Variants in CDC25A observed in about 807,000 individuals in gnomAD.
The protein encoded by CDC25A is M-phase inducer phosphatase 1.
CDC25A carries 17 observed loss-of-function variants against 64.6 expected under a neutral mutation model. The observed-to-expected ratio is 0.26, with a 90% CI of 0.18 to 0.39. CDC25A has a LOEUF of 0.39. Among genes scored for constraint, CDC25A ranks in the 10% least tolerant of loss-of-function variants. CDC25A has a pLI of 1.00. For missense variants in CDC25A, 473 were observed against 654.8 expected, an observed-to-expected ratio of 0.72 and a Z score of 3.03; for synonymous variants, 229 against 238.6, an observed-to-expected ratio of 0.96 and a Z score of 0.37.
At chr3:48,165,271 TCTC>T (rs1314023959) in intron 12 of CDC25A, among the ~76,000 whole-genome samples, 3 of 151,992 alleles carry the variant, frequency 2.0e-5, no homozygotes, top group South Asian at 2.1e-4. Flanking sequence ...GAGATGGTCT[TCTC>T]CTCATCAGGA....
At chr3:48,187,564 TCCA>T (rs2032889177) in intron 1 of CDC25A, among the ~76,000 whole-genome samples, 1 of 152,240 alleles carries the variant, frequency 6.6e-6, no homozygotes. Context: ...CCCAAGGATC[TCCA>T]CCTCTTCCCC....
In CDC25A at chr3:48,157,220, T is replaced by C. The variant is rs2031541681; in HGVS notation, c.*1725A>G. 6.6e-6 allele frequency: 1 copy of C among 152,154 alleles called. No homozygotes were observed. The highest frequency in any genetic ancestry group is 6.5e-5 in the Admixed American group (1 of 15,272). The allele number at this position is 152,154 out of a possible 1,614,324, so 9.4% of individuals were successfully genotyped here. On this transcript the variant is annotated 3_prime_UTR_variant, in exon 15 of 15. Coordinates refer to ENST00000302506, the MANE Select transcript of CDC25A (RefSeq NM_001789.3). ...TATTTTCAGAGCTTCCAACAGTTGG[T>C]TAGTAATGCTAGCTAAGCTGGTATA...
chr3:48,162,718 G>A (rs1011643066), intron 13 of CDC25A, among the ~76,000 whole-genome samples: 1 of 151,974 alleles, frequency 6.6e-6, no homozygotes, highest in African/African-American at 2.4e-5. Flanking sequence ...CGTGATGGTG[G>A]GCACCTGTAG....
chr3:48,177,224 A>T (rs1208019330), intron 8 of CDC25A, 147 bp downstream of exon 8: 2 of 643,532 alleles, frequency 3.1e-6, no homozygotes, highest in Non-Finnish European at 5.7e-6. Context: ...TAAAGGTCAT[A>T]ATTTGTAGGT....
Position 48,183,802 on chromosome 3 carries a change from G to T in CDC25A, c.325C>A (p.Pro109Thr), listed in dbSNP as rs765515421. Residue 109 changes from proline (P) to threonine (T), a missense_variant and splice_region_variant, in exon 4 of 15, where the codon CCT becomes ACT. Physicochemically the swap from Pro to Thr is conservative, Grantham distance 38. This residue lies in a region of CDC25A where 376 missense variants were observed against 431.9 expected (regional missense o/e 0.87). Transcript: ENST00000302506. The part of the protein sequence containing the change: ...ENPMRRIHSL[P>T]QKLLGCSPAL... ...AAATAAACAAGGAACTAACTTACAGGTAGGGAATGTATTCTTCTCATAGGA... is the reference window on the plus strand; with the variant it reads ...AAATAAACAAGGAACTAACTTACAGTTAGGGAATGTATTCTTCTCATAGGA... 6.3e-7 allele frequency: 1 copy of T among 1,578,070 alleles called. No individual in the cohort carries two copies. Among genetic ancestry groups the T allele is most frequent in the East Asian group, 2.2e-5 (1 of 44,684 alleles).
chr3:48,184,005 C>T (rs1234974295), intron 3 of CDC25A, among the ~76,000 whole-genome samples, 169 bp from the exon 4 acceptor site: 1 of 151,984 alleles, frequency 6.6e-6, no homozygotes, highest in Non-Finnish European at 1.5e-5. Flanking sequence ...TCAGGAGCAC[C>T]CCCAACACTA....
intron 13 of CDC25A, among the ~76,000 whole-genome samples, chr3:48,163,431 C>T (rs1361036130): frequency 6.6e-6 from 1 of 151,840 alleles, no homozygotes; most frequent in Non-Finnish European, 1.5e-5. Flanking sequence ...ATGTAGAAAC[C>T]CTGCCTCTAC....
In CDC25A at chr3:48,180,730, T is replaced by C. The variant is rs765385956; in HGVS notation, c.540A>G (p.Pro180=). 1.5e-5 allele frequency: 24 copies of C among 1,613,962 alleles called. No individual in the cohort carries two copies. The Admixed American group carries it at 2.3e-4, about 16-fold the overall frequency. The change falls in exon 6 of 15, where the codon CCA becomes CCG. Residue 180 remains proline (P), a synonymous_variant. Transcript: ENST00000302506. The part of the protein sequence containing the change: ...DLFTQRQNSA[P]ARMLSSNERD... ...AAGCCAGAGCACATACCATCCGAGCTGGGGCAGAGTTCTGCCTCTGTGTGA... is the reference window on the plus strand; with the variant it reads ...AAGCCAGAGCACATACCATCCGAGCCGGGGCAGAGTTCTGCCTCTGTGTGA...
chr3:48,185,442 G>T (rs1403514417), intron 2 of CDC25A, among the ~76,000 whole-genome samples: 1 of 122,868 alleles, frequency 8.1e-6, no homozygotes, highest in Admixed American at 7.7e-5. Flanking sequence ...AAAAAAAAAA[G>T]GCCAGGTGCA....
chr3:48,168,136 A>G (rs2032109334), intron 9 of CDC25A, among the ~76,000 whole-genome samples, 192 bp from the exon 10 acceptor site: 1 of 150,078 alleles, frequency 6.7e-6, no homozygotes, highest in African/African-American at 2.5e-5. Flanking sequence ...CTATTATTCC[A>G]GTGTCTAACC....
At chr3:48,166,785 T>A (rs187911658) in intron 10 of CDC25A, among the ~76,000 whole-genome samples, 1 of 152,300 alleles carries the variant, frequency 6.6e-6, no homozygotes, top group Admixed American at 6.5e-5. Context: ...ATGCCTGTAG[T>A]CCCAGCTACT....
At chr3:48,165,915 T>G in intron 10 of CDC25A, 22 bp from the exon 11 acceptor site, 1 of 1,440,640 alleles carries the variant, frequency 6.9e-7, no homozygotes. Context: ...AAAAAGATAC[T>G]TAGAGAATCT....
chr3:48,163,297 AAAAAG>A (rs1456515285), intron 13 of CDC25A, among the ~76,000 whole-genome samples: 14 of 149,190 alleles, frequency 9.4e-5, no homozygotes, highest in South Asian at 2.1e-4. Context: ...AAAAAAAAAA[AAAAAG>A]AAAGAAAGAA....
chr3:48,160,525 CT>C (rs1332654309), intron 13 of CDC25A, among the ~76,000 whole-genome samples: 2 of 151,726 alleles, frequency 1.3e-5, no homozygotes, highest in Admixed American at 1.3e-4. Flanking sequence ...ATGCTCCTGC[CT>C]CAGCCTCCAA....
chr3:48,181,652 C>T (rs140129892), intron 5 of CDC25A: 3 of 1,182,956 alleles, frequency 2.5e-6, no homozygotes, highest in African/African-American at 3.0e-5. Context: ...TGATGAACGG[C>T]TAACTACCTT....
At chr3:48,180,901 T>C in intron 5 of CDC25A, 61 bp from the exon 6 acceptor site, 1 of 1,578,664 alleles carries the variant, frequency 6.3e-7, no homozygotes, top group South Asian at 1.1e-5. Flanking sequence ...TCAGCTTGGG[T>C]GAAAGAGGCA....
chr3:48,173,512 G>A (rs777535028), intron 9 of CDC25A, among the ~76,000 whole-genome samples: 1 of 152,202 alleles, frequency 6.6e-6, no homozygotes, highest in Non-Finnish European at 1.5e-5. Context: ...TGAGGCAGAA[G>A]ACTTTTAGAC....
chr3:48,171,504 C>T (rs2032269702), intron 9 of CDC25A, among the ~76,000 whole-genome samples: 1 of 151,390 alleles, frequency 6.6e-6, no homozygotes, highest in African/African-American at 2.4e-5. Flanking sequence ...CCTCAGCCTC[C>T]TGAGCAGCTG....
intron 9 of CDC25A, 117 bp from the exon 10 acceptor site, chr3:48,168,061 G>C: frequency 3.4e-6 from 2 of 590,482 alleles, no homozygotes; most frequent in Non-Finnish European, 6.1e-6. Flanking sequence ...TTAGTAAGAA[G>C]TTTTTATTTT....
Sources: gnomAD v4.1 joint callset for allele counts (sites outside exome capture counted in the v4.1 genomes callset) on GRCh38, gnomAD v4.1.1 for gene constraint, gnomAD v4.1.1 regional missense constraint, MANE v1.5 for transcripts, NCBI Gene and HGNC (gene_info 2026-07-23, HGNC 2026-07-21) for gene names.